Variants in PASD1 observed in about 807,000 individuals in gnomAD.
The protein encoded by PASD1 is PAS domain containing repressor 1.
In PASD1, 13 loss-of-function variants were observed where a neutral mutation model predicts 58.8. That is an observed-to-expected ratio of 0.22 (90% CI 0.14 to 0.35). The LOEUF is 0.35. Ranked by LOEUF, PASD1 falls within the 10% of genes least tolerant of loss-of-function variation. PASD1 has a pLI of 1.00. For synonymous variants in PASD1, 236 were observed against 216.7 expected, an observed-to-expected ratio of 1.09 and a Z score of -0.78; for missense variants, 734 against 568.3, an observed-to-expected ratio of 1.29 and a Z score of -2.96.
chrX:151,670,616 G>T lies in PASD1; in HGVS notation c.1072-422G>T, dbSNP rs139177009. On this transcript the variant is annotated intron_variant, in intron 11 of 15. Coordinates refer to ENST00000370357, the MANE Select transcript of PASD1 (RefSeq NM_173493.3). ...TCAGACCTGTGAGTTTTCGTACAGT[G>T]CTTAGAAGAGTGCCTGGAACAAAGG... 1.4e-4 allele frequency among the ~76,000 whole-genome samples: 16 copies of T among 112,096 alleles called. No individual in the cohort carries two copies. In the East Asian group the frequency reaches 4.5e-3, roughly 32 times the overall value.
intron 10 of PASD1, 23 bp downstream of exon 10, chrX:151,659,859 A>G (rs1383218958): frequency 1.7e-6 from 2 of 1,190,746 alleles, no homozygotes; most frequent in South Asian, 3.7e-5. Flanking sequence ...ATGCATTTGG[A>G]TAGGGACTAT....
Position 151,672,575 on chromosome X carries a change from T to G in PASD1, c.1830T>G (p.Ile610Met). The change falls in exon 14 of 16, where the codon ATT becomes ATG. Residue 610 changes from isoleucine (I) to methionine (M), a missense_variant. Physicochemically the swap from Ile to Met is conservative, Grantham distance 10. Transcript: ENST00000370357. ...TTAGATTTTTACAGGCCCAACCCAT[T>G]GTTCCTGTCCAGAGAGCAGCTGAAC... ...HPVRFLQAQPIVPVQRAAEQQ... is the reference protein window; with the variant it reads ...HPVRFLQAQPMVPVQRAAEQQ... 1 of 1,212,001 alleles carries G rather than the reference T, an allele frequency of 8.3e-7. No individual in the cohort carries two copies. Among genetic ancestry groups the G allele is most frequent in the Non-Finnish European group, 1.1e-6 (1 of 895,613 alleles).
chrX:151,574,481 G>A (rs1033502272), intron 1 of PASD1, among the ~76,000 whole-genome samples: 9 of 111,901 alleles, frequency 8.0e-5, no homozygotes, highest in African/African-American at 2.9e-4. Context: ...GAGGGTTCAG[G>A]GAGAAGGAAG....
At chrX:151,675,880 C>T in intron 15 of PASD1, 117 bp from the exon 16 acceptor site, 1 of 812,743 alleles carries the variant, frequency 1.2e-6, no homozygotes, top group Non-Finnish European at 1.8e-6. Flanking sequence ...GGCTCATGTT[C>T]CAAAGAAGTA....
chrX:151,589,330 A>G (rs916977847), intron 1 of PASD1, among the ~76,000 whole-genome samples: 2 of 111,492 alleles, frequency 1.8e-5, no homozygotes, highest in Non-Finnish European at 3.8e-5. Flanking sequence ...CTGCATGGAG[A>G]TTGGTCTCCA....
chrX:151,597,784 G>A (rs2013341097), intron 1 of PASD1, among the ~76,000 whole-genome samples: 1 of 111,750 alleles, frequency 8.9e-6, no homozygotes, highest in African/African-American at 3.3e-5. Context: ...AGGCTGGAGT[G>A]CAGTGGTGCG....
At chrX:151,619,735 G>A (rs1159862150) in intron 4 of PASD1, among the ~76,000 whole-genome samples, 1 of 111,395 alleles carries the variant, frequency 9.0e-6, no homozygotes, top group Non-Finnish European at 1.9e-5. Flanking sequence ...GTGGAGTGGA[G>A]TGGTTAGATA....
chrX:151,670,245 C>T (rs922770054), intron 11 of PASD1, among the ~76,000 whole-genome samples: 6 of 111,470 alleles, frequency 5.4e-5, no homozygotes, highest in Non-Finnish European at 1.1e-4. Context: ...TAACTGAGTT[C>T]TGAGCATCTT....
chrX:151,618,315 A>G (rs1383325604), intron 4 of PASD1, among the ~76,000 whole-genome samples: 1 of 112,224 alleles, frequency 8.9e-6, no homozygotes, highest in Non-Finnish European at 1.9e-5. Flanking sequence ...ATTAATGCTA[A>G]TCAGTTAAAA....
chrX:151,564,244 C>T (rs995893668), intron 1 of PASD1, among the ~76,000 whole-genome samples: 2 of 112,676 alleles, frequency 1.8e-5, no homozygotes, highest in Admixed American at 9.3e-5. Context: ...AGGCTCTGTC[C>T]GGCAGGTCTG....
chrX:151,632,984 A>G (rs374752015), intron 8 of PASD1, among the ~76,000 whole-genome samples: 3 of 112,255 alleles, frequency 2.7e-5, no homozygotes, highest in African/African-American at 6.5e-5. Context: ...ATTTAACACT[A>G]TAGTCCTTAC....
At chrX:151,632,880 A>G (rs984944115) in intron 8 of PASD1, among the ~76,000 whole-genome samples, 1 of 111,225 alleles carries the variant, frequency 9.0e-6, no homozygotes, top group East Asian at 2.8e-4. Context: ...TCAAATAAAA[A>G]AAAAAAGAAA....
At chrX:151,590,042 C>G (rs560039029) in intron 1 of PASD1, among the ~76,000 whole-genome samples, 1 of 111,903 alleles carries the variant, frequency 8.9e-6, no homozygotes, top group African/African-American at 3.2e-5. Flanking sequence ...GATTACAAAA[C>G]ATGAAAAATC....
intron 1 of PASD1, among the ~76,000 whole-genome samples, chrX:151,569,538 T>G (rs887164848): frequency 5.4e-5 from 6 of 112,063 alleles, no homozygotes; most frequent in African/African-American, 1.9e-4. Context: ...AAACTCTCAT[T>G]GAGAGTTCTT....
chrX:151,578,284 A>G (rs2013039747), intron 1 of PASD1: 1 of 112,265 alleles, frequency 8.9e-6, no homozygotes, highest in Non-Finnish European at 1.9e-5. Context: ...AATCCTGTTA[A>G]CATCTTTTGG....
chrX:151,622,184 A>G (rs1421828219), intron 6 of PASD1, among the ~76,000 whole-genome samples: 2 of 111,178 alleles, frequency 1.8e-5, no homozygotes, highest in Non-Finnish European at 3.8e-5. Context: ...TCGCGTGTGG[A>G]TATAGGGTCC....
chrX:151,566,040 G>A (rs2012836695), intron 1 of PASD1, among the ~76,000 whole-genome samples: 1 of 111,969 alleles, frequency 8.9e-6, no homozygotes. Context: ...GTAGTAAAAC[G>A]AAAATTTGTG....
chrX:151,656,841 C>T (rs1242130942), intron 9 of PASD1, among the ~76,000 whole-genome samples: 1 of 111,699 alleles, frequency 9.0e-6, no homozygotes, highest in Non-Finnish European at 1.9e-5. Context: ...TAATTGAATA[C>T]CATTTATTTC....
chrX:151,671,746 G>T lies in PASD1; in HGVS notation c.1404G>T (p.Gly468=). Residue 468 remains glycine (G), a synonymous_variant, in exon 13 of 16, where the codon GGG becomes GGT. Transcript: ENST00000370357. The stretch of plus-strand genomic sequence containing the variant: ...TATCCAACTCTCTCAAAAACACTGG[G>T]GAGCTTCAGGAGCCTTGTGTTGCCT... ...LSLSNSLKNT[G]ELQEPCVAFN... 2 of 1,208,423 alleles carry T rather than the reference G, an allele frequency of 1.7e-6. No individual in the cohort carries two copies. The highest frequency in any genetic ancestry group is 2.2e-6 in the Non-Finnish European group (2 of 892,473).
Sources: gnomAD v4.1 joint callset for allele counts (sites outside exome capture counted in the v4.1 genomes callset) on GRCh38, gnomAD v4.1.1 for gene constraint, MANE v1.5 for transcripts, NCBI Gene and HGNC (gene_info 2026-07-23, HGNC 2026-07-21) for gene names.